ANO1: variants seen among roughly 807,000 people sequenced by gnomAD.
ANO1 encodes anoctamin-1.
ANO1 carries 59 observed loss-of-function variants against 124.0 expected under a neutral mutation model. That is an observed-to-expected ratio of 0.48 (90% CI 0.39 to 0.59). The LOEUF is 0.59. Among genes scored for constraint, ANO1 ranks in the 20% least tolerant of loss-of-function variants. The probability of loss-of-function intolerance (pLI) is 0.00; values close to 1 mark genes in which losing one functional copy is unlikely to be tolerated. For missense variants in ANO1, 1,059 were observed against 1,328.0 expected (o/e 0.80, Z 3.15); for synonymous variants, 529 against 532.0 (o/e 0.99, Z 0.08).
chr11:70,162,414 GGTAGGGAGGAGTCCAC>G (rs1446914493), intron 18 of ANO1, among the ~76,000 whole-genome samples: 1 of 152,170 alleles, frequency 6.6e-6, no homozygotes, highest in Non-Finnish European at 1.5e-5. Flanking sequence ...TCCCACGGCA[GGTAGGGAGGAGTCCAC>G]GTAGGGAGGA....
chr11:70,140,914 C>T (rs1222641640), intron 11 of ANO1, among the ~76,000 whole-genome samples: 2 of 152,142 alleles, frequency 1.3e-5, no homozygotes, highest in East Asian at 3.9e-4. Context: ...GGGAATACAG[C>T]CCGGCAAGCC....
chr11:70,001,685 G>C (rs1031668051), intron 1 of ANO1, among the ~76,000 whole-genome samples: 1 of 152,236 alleles, frequency 6.6e-6, no homozygotes, highest in Non-Finnish European at 1.5e-5. Context: ...GCCAGGTGCT[G>C]GGTGCATGGG....
chr11:70,118,281 C>G (rs1182515118), intron 8 of ANO1, among the ~76,000 whole-genome samples: 1 of 151,922 alleles, frequency 6.6e-6, no homozygotes, highest in East Asian at 1.9e-4. Context: ...CACGTCAGTG[C>G]CAGGACTAGC....
chr11:69,980,360 A>G, the ANO1 span, among the ~76,000 whole-genome samples: 2 of 152,194 alleles, frequency 1.3e-5, no homozygotes, highest in African/African-American at 4.8e-5. Flanking sequence ...ATGGTGGCTC[A>G]CACCTGTAAT....
chr11:70,044,698 A>T (rs1392684180), intron 1 of ANO1, among the ~76,000 whole-genome samples: 1 of 152,222 alleles, frequency 6.6e-6, no homozygotes, highest in African/African-American at 2.4e-5. Context: ...GTATCTCCTC[A>T]TCAATTTCTT....
chr11:70,066,751 C>T (rs77213628), intron 1 of ANO1, among the ~76,000 whole-genome samples: 2,369 of 152,188 alleles, frequency 0.016, 54 homozygotes, highest in African/African-American at 0.053. Flanking sequence ...GCTCCATCAC[C>T]GTAACTCCAC....
intron 19 of ANO1, 121 bp from the exon 20 acceptor site, chr11:70,165,349 C>T: frequency 1.3e-6 from 1 of 790,386 alleles, no homozygotes; most frequent in Non-Finnish European, 2.1e-6. Context: ...GGATTAGAAC[C>T]TGAGCGTCTT....
chr11:70,095,356 A>G (rs887441524), intron 2 of ANO1, among the ~76,000 whole-genome samples: 2 of 17,086 alleles, frequency 1.2e-4, no homozygotes, highest in Non-Finnish European at 2.6e-4. Flanking sequence ...AAAAGAAAGA[A>G]AGAAAGAAAG....
chr11:70,021,182 T>G (rs921120334), intron 1 of ANO1: 1 of 152,082 alleles, frequency 6.6e-6, no homozygotes, highest in African/African-American at 2.4e-5. Flanking sequence ...AATTATCTAG[T>G]GGAGAAAAAA....
At chr11:69,981,690 G>A (rs1029005153), upstream of ANO1, among the ~76,000 whole-genome samples, 6 of 152,314 alleles carry the variant, frequency 3.9e-5, no homozygotes, top group South Asian at 1.0e-3. Context: ...CTAGCCCTGC[G>A]CAGCCACTGA....
At chr11:70,114,830 C>T (rs111333721) in intron 7 of ANO1, among the ~76,000 whole-genome samples, 1,660 of 152,226 alleles carry the variant, frequency 0.011, 39 homozygotes, top group African/African-American at 0.038. Flanking sequence ...ACTCGGGAGG[C>T]GGATAACAAC....
At chr11:70,101,235 C>G (rs1486319645) in intron 2 of ANO1, among the ~76,000 whole-genome samples, 1 of 152,072 alleles carries the variant, frequency 6.6e-6, no homozygotes, top group Non-Finnish European at 1.5e-5. Context: ...CACAGGCTTC[C>G]ACCGAGGCTC....
At position 69,992,207 on chromosome 11, in the gene ANO1, C is replaced by T. The variant is rs552809588; in HGVS notation, c.58+6041C>T. On this transcript the variant is annotated intron_variant, in intron 1 of 27. Coordinates refer to the ANO1 transcript ENST00000531349. ...GATAGTAGGTGAATGGATGGATGGA[C>T]GAATGGATAGATGGATGGATGGATG... is the stretch of plus-strand genomic sequence containing the variant. Among the ~76,000 whole-genome samples the T allele has an allele frequency of 2.2e-3, 307 of 136,812 alleles. 2 individuals carry two copies. Among genetic ancestry groups the T allele is most frequent in the African/African-American group, 7.7e-3 (285 of 36,810 alleles). 89.8% of individuals were successfully genotyped at this position (136,812 alleles called of 152,430 possible). A position where few individuals can be genotyped will look rare whatever the true frequency, so the allele number is the denominator to read the frequency against.
intron 1 of ANO1, among the ~76,000 whole-genome samples, chr11:70,022,558 A>T (rs1408576059): frequency 6.6e-6 from 1 of 151,874 alleles, no homozygotes; most frequent in Non-Finnish European, 1.5e-5. Context: ...GTGAGCCGAG[A>T]TCATGCCACT....
chr11:70,041,841 C>A (rs1385525188), intron 1 of ANO1, among the ~76,000 whole-genome samples: 1 of 152,152 alleles, frequency 6.6e-6, no homozygotes, highest in Non-Finnish European at 1.5e-5. Context: ...GAACTCTCCT[C>A]AAGTTCCTGG....
intron 11 of ANO1, among the ~76,000 whole-genome samples, chr11:70,133,982 G>T (rs1174713267): frequency 1.3e-5 from 2 of 152,228 alleles, no homozygotes; most frequent in African/African-American, 4.8e-5. Context: ...CCAGCTCTGA[G>T]CATGGGTGCC....
intron 1 of ANO1, among the ~76,000 whole-genome samples, chr11:70,067,110 G>C (rs1254187874): frequency 6.6e-6 from 1 of 152,134 alleles, no homozygotes; most frequent in African/African-American, 2.4e-5. Context: ...ATATCAAGCA[G>C]TCATGAAGGG....
chr11:70,117,988 A>G (rs1358520379), intron 8 of ANO1, among the ~76,000 whole-genome samples: 1 of 152,094 alleles, frequency 6.6e-6, no homozygotes, highest in African/African-American at 2.4e-5. Context: ...CCCGACTCCA[A>G]TCCTGTTGGA....
intron 20 of ANO1, among the ~76,000 whole-genome samples, chr11:70,166,619 C>T (rs2048265143): frequency 6.6e-6 from 1 of 152,164 alleles, no homozygotes; most frequent in Non-Finnish European, 1.5e-5. Context: ...TGTGTCCTTC[C>T]CCAAGAGTCC....
Sources: gnomAD v4.1 joint callset for allele counts (sites outside exome capture counted in the v4.1 genomes callset) on GRCh38, gnomAD v4.1.1 for gene constraint, MANE v1.5 for transcripts, NCBI Gene and HGNC (gene_info 2026-07-23, HGNC 2026-07-21) for gene names.